PGC: variants seen among roughly 807,000 people sequenced by gnomAD.
PGC encodes gastricsin.
Under a neutral mutation model 45.9 loss-of-function variants are expected in PGC, and 31 were observed. The observed-to-expected ratio is 0.67, with a 90% CI of 0.51 to 0.91. The LOEUF (loss-of-function observed/expected upper bound fraction) is 0.91. PGC is among the 40% of genes least tolerant of loss of function. PGC has a pLI of 0.00. For missense variants in PGC, 477 were observed against 493.2 expected (o/e 0.97, Z 0.31); for synonymous variants, 192 against 201.8 (o/e 0.95, Z 0.41).
chr6:41,741,024 A>AC, intron 5 of PGC: 1 of 1,534,576 alleles, frequency 6.5e-7, no homozygotes, highest in Non-Finnish European at 8.7e-7. Context: ...AGTGGTTGGG[A>AC]CCCCCAGCCC....
rs1013347049 is a variant in PGC, at chr6:41,744,969, CTCTCTG to C, written c.60-167_60-162del. Among the ~76,000 whole-genome samples, 1 of 63,594 alleles carries C rather than the reference CTCTCTG, an allele frequency of 1.6e-5. No homozygotes were observed. Among genetic ancestry groups the C allele is most frequent in the Non-Finnish European group, 4.4e-5 (1 of 22,750 alleles). 41.7% of individuals were successfully genotyped at this position (63,594 alleles called of 152,430 possible). On this transcript the variant is annotated intron_variant, in intron 1 of 8. Transcript: ENST00000373025. The surrounding 1 kb of genome is among the most constrained non-coding windows in gnomAD (Gnocchi z 4.4). ...TCTTTTTCTCTCTCTCAGCCTTTTG[CTCTCTG>C]TCTCTGTCTGTCTGTCTCTCTGTGT...
At position 41,744,297 on chromosome 6, in the gene PGC, T is replaced by A; in HGVS notation, c.328+100A>T. ...TCCCTGGTCCTCCCCAGGACTGAGC[T>A]CCCCTCAGTCCTGAGCTCCCTCTGG... On this transcript the variant is annotated intron_variant, in intron 3 of 8. Coordinates refer to ENST00000373025, the MANE Select transcript of PGC (RefSeq NM_002630.4). This position sits in a 1 kb window ranked among gnomAD's most constrained non-coding sequence, Gnocchi z 4.4. 1.3e-6 allele frequency: 1 copy of A among 753,162 alleles called. No homozygotes were observed. Among genetic ancestry groups the A allele is most frequent in the Non-Finnish European group, 2.2e-6 (1 of 444,990 alleles). The allele number at this position is 753,162 out of a possible 1,614,324, so 46.7% of individuals were successfully genotyped here. A position where few individuals can be genotyped will look rare whatever the true frequency, so the allele number is the denominator to read the frequency against.
intron 4 of PGC, among the ~76,000 whole-genome samples, chr6:41,742,913 C>T (rs1206548412): frequency 2.6e-5 from 4 of 152,284 alleles, no homozygotes; most frequent in Admixed American, 2.6e-4. Flanking sequence ...CGTGAGCCAC[C>T]GTAGCCAGCC....
chr6:41,743,261 G>A lies in PGC; in HGVS notation c.447+10C>T. 1 of 1,522,610 alleles carries A rather than the reference G, an allele frequency of 6.6e-7. No individual in the cohort carries two copies. Among genetic ancestry groups the A allele is most frequent in the Non-Finnish European group, 9.1e-7 (1 of 1,096,668 alleles). The allele number at this position is 1,522,610 out of a possible 1,614,324, so 94.3% of individuals were successfully genotyped here. ...CACAGCCCCAGCCTCCACTCCCCAT[G>A]CCCACTCACAGTCAGGGTGTCATAG... On this transcript the variant is annotated intron_variant, in intron 4 of 8. Transcript: ENST00000373025.
intron 1 of PGC, among the ~76,000 whole-genome samples, chr6:41,745,592 C>T (rs1581955387): frequency 1.3e-5 from 2 of 150,338 alleles, no homozygotes; most frequent in African/African-American, 4.9e-5. Flanking sequence ...TCTTGTTGCC[C>T]AGGCTGGAGT....
At position 41,744,095 on chromosome 6, in the gene PGC, A is replaced by G. The variant is rs1771881441; in HGVS notation, c.328+302T>C. On this transcript the variant is annotated intron_variant, in intron 3 of 8. Coordinates refer to ENST00000373025, the MANE Select transcript of PGC (RefSeq NM_002630.4). The surrounding 1 kb of genome is among the most constrained non-coding windows in gnomAD (Gnocchi z 4.4). ...AATGGACTGGAAATTAGTCACATGG[A>G]ATGGAATGGCACTGCCCAGAGTAAA... 6.6e-6 allele frequency among the ~76,000 whole-genome samples: 1 copy of G among 152,198 alleles called. No homozygotes were observed. The highest frequency in any genetic ancestry group is 1.5e-5 in the Non-Finnish European group (1 of 68,024).
At chr6:41,741,231 T>TCGTATCA in intron 5 of PGC, 1 of 1,467,958 alleles carries the variant, frequency 6.8e-7, no homozygotes, top group Non-Finnish European at 9.0e-7. Flanking sequence ...AGCTGCTCTG[T>TCGTATCA]TTACACGCAG....
At position 41,739,687 on chromosome 6, in the gene PGC, G is replaced by A. The variant is rs989030819; in HGVS notation, c.915+112C>T. 6 of 1,115,006 alleles carry A rather than the reference G, an allele frequency of 5.4e-6. No individual in the cohort carries two copies. In the African/African-American group the frequency reaches 7.9e-5, roughly 15 times the overall value. 69.1% of individuals were successfully genotyped at this position (1,115,006 alleles called of 1,614,324 possible). On this transcript the variant is annotated intron_variant, in intron 7 of 8. Coordinates refer to ENST00000373025, the MANE Select transcript of PGC (RefSeq NM_002630.4). ...GCCTGCCTTGGCCTCCCAAAGTGTTGGGATTACAGGCATGAGCCACGGCGC... is the reference window on the plus strand; with the variant it reads ...GCCTGCCTTGGCCTCCCAAAGTGTTAGGATTACAGGCATGAGCCACGGCGC...
chr6:41,737,144 T>C, intron 8 of PGC, 140 bp from the exon 9 acceptor site: 3 of 772,836 alleles, frequency 3.9e-6, no homozygotes, highest in Non-Finnish European at 2.0e-6. Context: ...ATAGGCCAAC[T>C]GAGCCACCAG....
chr6:41,739,759 G>C (rs917726394), intron 7 of PGC, 40 bp downstream of exon 7: 2 of 1,578,268 alleles, frequency 1.3e-6, no homozygotes, highest in Admixed American at 3.6e-5. Context: ...TGCCTCTGGA[G>C]TAGCCTCCTG....
intron 5 of PGC, among the ~76,000 whole-genome samples, chr6:41,741,595 G>A (rs949405181): frequency 1.3e-5 from 2 of 152,166 alleles, no homozygotes; most frequent in African/African-American, 4.8e-5. Context: ...GCAGTGAGCC[G>A]AGATTGCGCC....
chr6:41,738,155 T>TGCATATATATATGC (rs1307292218), intron 7 of PGC, among the ~76,000 whole-genome samples: 1 of 33,008 alleles, frequency 3.0e-5, no homozygotes, highest in African/African-American at 1.2e-4. Flanking sequence ...CATATATATA[T>TGCATATATATATGC]ACATATATAT....
chr6:41,736,988 G>T lies in PGC; in HGVS notation c.1031C>A (p.Thr344Asn). 6.2e-7 allele frequency: 1 copy of T among 1,613,662 alleles called. No homozygotes were observed. The highest frequency in any genetic ancestry group is 8.5e-7 in the Non-Finnish European group (1 of 1,179,830). Residue 344 changes from threonine to asparagine, a missense_variant, in exon 9 of 9, where the codon ACC (threonine) becomes AAC (asparagine). By Grantham distance (65) the Thr-to-Asn change is moderately conservative. Coordinates refer to ENST00000373025, the MANE Select transcript of PGC (RefSeq NM_002630.4). ...CAGGTAGGTGGGCTCGACTCCCACG[G>T]TGCAGTAGCCGTTGTTCTGCTCAAC... is the stretch of plus-strand genomic sequence containing the variant. ...SYILSNNGYC[T>N]VGVEPTYLSS... is the part of the protein sequence containing the mutation.
intron 6 of PGC, 106 bp downstream of exon 6, chr6:41,740,385 C>A: frequency 7.1e-7 from 1 of 1,399,820 alleles, no homozygotes; most frequent in Non-Finnish European, 9.6e-7. Flanking sequence ...CCTCAGGGGT[C>A]CTCTGCCCCA....
chr6:41,745,014 TGCGCGC>T (rs10616955), intron 1 of PGC, among the ~76,000 whole-genome samples: 4 of 99,782 alleles, frequency 4.0e-5, no homozygotes, highest in East Asian at 3.8e-4. Flanking sequence ...TGTGTGTGTG[TGCGCGC>T]GCGCGTGTTT....
chr6:41,745,851 G>A (rs923623300), intron 1 of PGC, among the ~76,000 whole-genome samples: 1 of 151,360 alleles, frequency 6.6e-6, no homozygotes, highest in African/African-American at 2.4e-5. Context: ...GCCCAGCCCA[G>A]GAAATGCACA....
At chr6:41,745,696 AG>A (rs1204471526) in intron 1 of PGC, among the ~76,000 whole-genome samples, 2 of 151,380 alleles carry the variant, frequency 1.3e-5, no homozygotes, top group Non-Finnish European at 2.9e-5. Context: ...ATTACAGGCA[AG>A]GGCCACCATG....
At chr6:41,740,816 T>C (rs1771808333) in intron 5 of PGC, 1 of 1,427,110 alleles carries the variant, frequency 7.0e-7, no homozygotes, top group Non-Finnish European at 9.1e-7. Flanking sequence ...GATGGGGCTG[T>C]GTCCCTTAGA....
chr6:41,737,294 G>C (rs989039508), intron 8 of PGC, among the ~76,000 whole-genome samples: 1 of 152,208 alleles, frequency 6.6e-6, no homozygotes, highest in Non-Finnish European at 1.5e-5. Context: ...GATCAGCCTG[G>C]TGGTTAAACC....
Sources: allele counts gnomAD v4.1 joint callset (sites outside exome capture counted in the v4.1 genomes callset), GRCh38; gene constraint gnomAD v4.1.1; non-coding constraint Gnocchi (gnomAD v3.1); transcripts MANE v1.5; gene names NCBI Gene and HGNC (gene_info 2026-07-23, HGNC 2026-07-21).